NAALADL2: variants seen among roughly 807,000 people sequenced by gnomAD.
NAALADL2 encodes N-acetylated alpha-linked acidic dipeptidase like 2.
Under a neutral mutation model 87.2 loss-of-function variants are expected in NAALADL2, and 76 were observed. That is an observed-to-expected ratio of 0.87 (90% CI 0.72 to 1.05). The LOEUF (loss-of-function observed/expected upper bound fraction) is 1.05, where lower values mean the gene tolerates loss of function less well. NAALADL2 is among the 50% of genes least tolerant of loss of function. The pLI is 0.00. For synonymous variants in NAALADL2, 354 were observed against 331.0 expected (o/e 1.07, Z -0.75); for missense variants, 1,089 against 945.8 (o/e 1.15, Z -1.99).
intron 9 of NAALADL2, among the ~76,000 whole-genome samples, chr3:175,473,044 A>G (rs1420546698): frequency 6.6e-6 from 1 of 152,148 alleles, no homozygotes; most frequent in African/African-American, 2.4e-5. Flanking sequence ...GACAAGTTTT[A>G]TATTTTGAGA....
intron 2 of NAALADL2, among the ~76,000 whole-genome samples, chr3:175,207,800 A>G (rs1741168230): frequency 6.6e-6 from 1 of 152,156 alleles, no homozygotes; most frequent in South Asian, 2.1e-4. Flanking sequence ...CCGCTCTAAA[A>G]GAATCCTGAA....
At chr3:174,703,548 C>T (rs1729763460) in intron 2 of NAALADL2, among the ~76,000 whole-genome samples, 1 of 152,006 alleles carries the variant, frequency 6.6e-6, no homozygotes, top group East Asian at 1.9e-4. Flanking sequence ...CATCTTATTT[C>T]AGATCATAGA....
At chr3:175,759,184 C>A (rs1188074634) in intron 13 of NAALADL2, among the ~76,000 whole-genome samples, 1 of 152,014 alleles carries the variant, frequency 6.6e-6, no homozygotes, top group African/African-American at 2.4e-5. Context: ...AATATAAGAT[C>A]CCTACCTTCA....
At chr3:174,654,060 TTGTGTGTGTGTGTG>T (rs137877260) in intron 2 of NAALADL2, among the ~76,000 whole-genome samples, 159 of 144,068 alleles carry the variant, frequency 1.1e-3, no homozygotes, top group South Asian at 2.3e-3. Context: ...TAAGATGGCT[TTGTGTGTGTGTGTG>T]TGTGTGTGTG....
In NAALADL2 at chr3:175,808,417, T is replaced by C. The variant is rs771592376; in HGVS notation, c.*5214T>C. 1 of 151,870 alleles carries C rather than the reference T, an allele frequency of 6.6e-6. No individual in the cohort carries two copies. The highest frequency in any genetic ancestry group is 1.5e-5 in the Non-Finnish European group (1 of 67,934). 9.4% of individuals were successfully genotyped at this position (151,870 alleles called of 1,614,324 possible). On this transcript the variant is annotated 3_prime_UTR_variant, in exon 14 of 14. Transcript: ENST00000454872. ...TTGATGGATTTTTTAAATGCCAAAA[T>C]CCAATCATCAAGGCCAAAGAAATGC... is the stretch of plus-strand genomic sequence containing the variant.
chr3:175,376,232 A>G (rs920746191), intron 5 of NAALADL2, among the ~76,000 whole-genome samples: 2 of 152,050 alleles, frequency 1.3e-5, no homozygotes, highest in Non-Finnish European at 2.9e-5. Flanking sequence ...CTGAATTTCC[A>G]TCTGGTAACC....
intron 1 of NAALADL2, among the ~76,000 whole-genome samples, chr3:174,529,624 C>T (rs1437608548): frequency 2.6e-5 from 4 of 152,154 alleles, no homozygotes; most frequent in African/African-American, 7.2e-5. Context: ...CAGGCATTTT[C>T]GAACATCCAG....
intron 1 of NAALADL2, among the ~76,000 whole-genome samples, chr3:174,919,768 A>G (rs1442491116): frequency 6.6e-6 from 1 of 152,246 alleles, no homozygotes; most frequent in Non-Finnish European, 1.5e-5. Flanking sequence ...CAGATCTATC[A>G]GAGGAATCCC....
At chr3:174,821,427 CA>C (rs1721405273) in intron 3 of NAALADL2, among the ~76,000 whole-genome samples, 1 of 152,128 alleles carries the variant, frequency 6.6e-6, no homozygotes, top group Non-Finnish European at 1.5e-5. Context: ...AGCATTTAAA[CA>C]GAAACACTTG....
intron 10 of NAALADL2, among the ~76,000 whole-genome samples, chr3:175,625,584 G>A (rs1455957526): frequency 1.3e-5 from 2 of 151,984 alleles, no homozygotes; most frequent in African/African-American, 4.8e-5. Context: ...GGAATAAAAG[G>A]TGGGGAAATG....
chr3:174,587,914 T>G (rs1202372275), intron 2 of NAALADL2, among the ~76,000 whole-genome samples: 1 of 152,186 alleles, frequency 6.6e-6, no homozygotes, highest in Non-Finnish European at 1.5e-5. Context: ...TGAATTTGAA[T>G]GTTGGCCTGC....
chr3:175,474,524 C>T (rs1380781460), intron 9 of NAALADL2, among the ~76,000 whole-genome samples: 1 of 152,156 alleles, frequency 6.6e-6, no homozygotes, highest in African/African-American at 2.4e-5. Flanking sequence ...GCTCAAGTCA[C>T]AATTACTGGA....
At chr3:174,554,040 C>T (rs1712456132) in intron 2 of NAALADL2, among the ~76,000 whole-genome samples, 1 of 151,996 alleles carries the variant, frequency 6.6e-6, no homozygotes, top group South Asian at 2.1e-4. Context: ...TCAGAACTGA[C>T]ATTGTTGATG....
intron 2 of NAALADL2, among the ~76,000 whole-genome samples, chr3:175,225,081 G>A (rs11915650): frequency 0.11 from 16,321 of 152,132 alleles, 1,082 homozygotes; most frequent in Middle Eastern, 0.18. Flanking sequence ...AAAATAACAT[G>A]TAAGTTCTTA....
chr3:175,011,734 G>A (rs772824711), intron 1 of NAALADL2, among the ~76,000 whole-genome samples: 14 of 152,270 alleles, frequency 9.2e-5, no homozygotes, highest in South Asian at 2.1e-4. Context: ...GCCCCAAGGC[G>A]TGCTATGTGC....
At chr3:174,538,476 A>T (rs1721925568) in intron 1 of NAALADL2, among the ~76,000 whole-genome samples, 1 of 152,166 alleles carries the variant, frequency 6.6e-6, no homozygotes, top group Non-Finnish European at 1.5e-5. Context: ...AAAGAAATTG[A>T]AGTATTTTAC....
chr3:175,366,914 T>C (rs1181946168), intron 5 of NAALADL2, among the ~76,000 whole-genome samples: 1 of 151,784 alleles, frequency 6.6e-6, no homozygotes, highest in Non-Finnish European at 1.5e-5. Context: ...TTTTGGTGTT[T>C]TAGACTTGAA....
intron 2 of NAALADL2, among the ~76,000 whole-genome samples, chr3:174,684,617 A>C (rs1475930605): frequency 2.0e-5 from 3 of 152,092 alleles, no homozygotes; most frequent in Non-Finnish European, 4.4e-5. Flanking sequence ...TCAGTGTTTC[A>C]TGTTTTCTAA....
intron 9 of NAALADL2, among the ~76,000 whole-genome samples, chr3:175,522,211 T>C (rs1732745465): frequency 6.6e-6 from 1 of 152,216 alleles, no homozygotes; most frequent in Non-Finnish European, 1.5e-5. Flanking sequence ...ATTATATTTA[T>C]TTTACATATA....
Sources: gnomAD v4.1 joint callset for allele counts (sites outside exome capture counted in the v4.1 genomes callset) on GRCh38, gnomAD v4.1.1 for gene constraint, MANE v1.5 for transcripts, NCBI Gene and HGNC (gene_info 2026-07-23, HGNC 2026-07-21) for gene names.